The following GRIK1 variants were observed in gnomAD, a reference collection of about 807,000 sequenced individuals.
GRIK1 encodes glutamate receptor ionotropic, kainate 1.
A neutral mutation model predicts 105.7 loss-of-function variants in GRIK1; 69 were observed. That is an observed-to-expected ratio of 0.65 (90% CI 0.54 to 0.80). GRIK1 has a LOEUF of 0.80. Among genes scored for constraint, GRIK1 ranks in the 30% least tolerant of loss-of-function variants. The probability of loss-of-function intolerance (pLI) is 0.00; values close to 1 mark genes in which losing one functional copy is unlikely to be tolerated. For synonymous variants in GRIK1, 438 were observed against 431.3 expected (o/e 1.02, Z -0.19); for missense variants, 1,109 against 1,167.3 (o/e 0.95, Z 0.73).
intron 12 of GRIK1, among the ~76,000 whole-genome samples, chr21:29,586,614 CAGAA>C (rs2091135584): frequency 6.6e-6 from 1 of 152,082 alleles, no homozygotes; most frequent in Admixed American, 6.5e-5. Flanking sequence ...TTTAAGCCAA[CAGAA>C]AGATAAAATA....
At chr21:29,844,972 G>T (rs1430476679) in intron 1 of GRIK1, among the ~76,000 whole-genome samples, 3 of 152,060 alleles carry the variant, frequency 2.0e-5, no homozygotes, top group Non-Finnish European at 4.4e-5. Context: ...AAATTTATAA[G>T]ACTGTCCACT....
intron 1 of GRIK1, among the ~76,000 whole-genome samples, chr21:29,778,166 G>C (rs1365518030): frequency 6.6e-6 from 1 of 152,118 alleles, no homozygotes; most frequent in Non-Finnish European, 1.5e-5. Context: ...TACATGTTTT[G>C]TCCCAGCTGA....
intron 16 of GRIK1, among the ~76,000 whole-genome samples, chr21:29,551,107 A>G (rs896631869): frequency 2.0e-5 from 3 of 152,134 alleles, no homozygotes; most frequent in Non-Finnish European, 4.4e-5. Context: ...TGCTGTGGGG[A>G]AAAAAATCTG....
intron 1 of GRIK1, among the ~76,000 whole-genome samples, chr21:29,786,124 G>C (rs942791506): frequency 1.3e-5 from 2 of 152,188 alleles, no homozygotes; most frequent in African/African-American, 4.8e-5. Context: ...GAGTAGCTGG[G>C]ATTACAGGCA....
At chr21:29,644,263 TG>T (rs2062573270) in intron 6 of GRIK1, among the ~76,000 whole-genome samples, 1 of 152,202 alleles carries the variant, frequency 6.6e-6, no homozygotes. Flanking sequence ...TCTTTATCAT[TG>T]TATTTTCCAT....
At chr21:29,654,933 G>T in intron 4 of GRIK1, 70 bp from the exon 5 acceptor site, 1 of 915,616 alleles carries the variant, frequency 1.1e-6, no homozygotes, top group Non-Finnish European at 1.8e-6. Flanking sequence ...TTTCTAGGGT[G>T]ACTGCAAATG....
chr21:29,543,110 AT>A (rs147509902), intron 16 of GRIK1, among the ~76,000 whole-genome samples: 3,632 of 151,182 alleles, frequency 0.024, 133 homozygotes, highest in African/African-American at 0.082. Flanking sequence ...TATTATTACT[AT>A]TTTTTTTTGT....
chr21:29,559,356 A>T (rs1270068412), intron 15 of GRIK1, among the ~76,000 whole-genome samples: 1 of 152,222 alleles, frequency 6.6e-6, no homozygotes, highest in African/African-American at 2.4e-5. Flanking sequence ...AGTCAAAAAG[A>T]GGTATAATAT....
chr21:29,552,306 C>T (rs751029654), intron 16 of GRIK1, among the ~76,000 whole-genome samples: 5 of 152,100 alleles, frequency 3.3e-5, no homozygotes, highest in Non-Finnish European at 4.4e-5. Context: ...AGATGAAACA[C>T]ACCTTCAACT....
chr21:29,648,555 C>T (rs12626669), intron 6 of GRIK1, among the ~76,000 whole-genome samples: 9 of 149,154 alleles, frequency 6.0e-5, no homozygotes, highest in East Asian at 3.9e-4. Context: ...TATTTATTGA[C>T]GGTGTACTTC....
Position 29,586,620 on chromosome 21 carries a change from G to C in GRIK1, c.1793+746C>G, listed in dbSNP as rs529757487. ...CAGCAAATGTTTAAGCCAACAGAAA[G>C]ATAAAATAACTGTTTCAAATTTAGC... On this transcript the variant is annotated intron_variant, in intron 12 of 17. Coordinates refer to ENST00000327783, the MANE Select transcript of GRIK1 (RefSeq NM_001330994.2). 4.6e-5 allele frequency among the ~76,000 whole-genome samples: 7 copies of C among 152,252 alleles called. No individual in the cohort carries two copies. In the South Asian group the frequency reaches 1.4e-3, roughly 32 times the overall value.
intron 1 of GRIK1, among the ~76,000 whole-genome samples, chr21:29,708,137 G>T (rs970402036): frequency 1.1e-4 from 17 of 152,142 alleles, no homozygotes; most frequent in African/African-American, 3.9e-4. Context: ...CAACTGAATT[G>T]CAACCTCCCT....
chr21:29,850,435 C>T (rs968442678), intron 1 of GRIK1, among the ~76,000 whole-genome samples: 2 of 152,202 alleles, frequency 1.3e-5, no homozygotes, highest in East Asian at 3.9e-4. Flanking sequence ...TGCTATCGCC[C>T]TAATGTTCTA....
At chr21:29,729,519 G>T (rs890074455) in intron 1 of GRIK1, among the ~76,000 whole-genome samples, 1 of 152,162 alleles carries the variant, frequency 6.6e-6, no homozygotes, top group Non-Finnish European at 1.5e-5. Flanking sequence ...CTCTTCAGAT[G>T]ATCAGTGAAC....
At chr21:29,633,372 G>C (rs975713328) in intron 7 of GRIK1, among the ~76,000 whole-genome samples, 6 of 152,106 alleles carry the variant, frequency 3.9e-5, no homozygotes, top group African/African-American at 1.4e-4. Flanking sequence ...GGTGGCGCAC[G>C]CCTGTAGTCC....
intron 1 of GRIK1, among the ~76,000 whole-genome samples, chr21:29,710,918 T>TA (rs1245180180): frequency 2.0e-5 from 3 of 151,470 alleles, no homozygotes; most frequent in Non-Finnish European, 4.4e-5. Context: ...CCAGCAGTTT[T>TA]ATCTGCTTTA....
chr21:29,858,414 G>A (rs1315443333), intron 1 of GRIK1, among the ~76,000 whole-genome samples: 2 of 152,064 alleles, frequency 1.3e-5, no homozygotes, highest in Admixed American at 6.6e-5. Context: ...TGTCTCCCTG[G>A]AACCTCTTAA....
At chr21:29,875,460 T>C (rs2069159510) in intron 1 of GRIK1, among the ~76,000 whole-genome samples, 1 of 152,168 alleles carries the variant, frequency 6.6e-6, no homozygotes, top group Non-Finnish European at 1.5e-5. Context: ...CCCCTGTTGG[T>C]AAAGCCCAAT....
chr21:29,891,881 T>C (rs945699357), intron 1 of GRIK1, among the ~76,000 whole-genome samples: 3 of 152,236 alleles, frequency 2.0e-5, no homozygotes, highest in Non-Finnish European at 4.4e-5. Flanking sequence ...GTTTTGATTG[T>C]CCACACACAA....
Sources: allele counts gnomAD v4.1 joint callset (sites outside exome capture counted in the v4.1 genomes callset), GRCh38; gene constraint gnomAD v4.1.1; transcripts MANE v1.5; gene names NCBI Gene and HGNC (gene_info 2026-07-23, HGNC 2026-07-21).